CAPZB: variants seen among roughly 807,000 people sequenced by gnomAD.
The protein encoded by CAPZB is capping actin protein of muscle Z-line subunit beta, also known as F-actin-capping protein subunit beta.
CAPZB carries 2 observed loss-of-function variants against 38.1 expected under a neutral mutation model. The ratio of observed to expected loss-of-function variants is 0.05; its 90% CI spans 0.02 to 0.17. The LOEUF (loss-of-function observed/expected upper bound fraction) is 0.17, where lower values mean the gene tolerates loss of function less well. Ranked by LOEUF, CAPZB falls within the 10% of genes least tolerant of loss-of-function variation. The pLI is 1.00. For synonymous variants in CAPZB, 107 were observed against 127.4 expected (o/e 0.84, Z 1.08); for missense variants, 161 against 334.2 (o/e 0.48, Z 4.04).
intron 1 of CAPZB, among the ~76,000 whole-genome samples, chr1:19,464,178 C>T (rs2094561486): frequency 6.7e-6 from 1 of 149,032 alleles, no homozygotes; most frequent in Admixed American, 6.8e-5. Context: ...CAGAGCAAGA[C>T]TCTGTCGAAA....
At chr1:19,399,749 G>C (rs1329658205) in intron 2 of CAPZB, among the ~76,000 whole-genome samples, 1 of 152,076 alleles carries the variant, frequency 6.6e-6, no homozygotes, top group African/African-American at 2.4e-5. Flanking sequence ...TTAAAAAAAG[G>C]GCTGTACCAA....
chr1:19,376,471 C>T (rs1264612243), intron 4 of CAPZB, among the ~76,000 whole-genome samples: 5 of 152,228 alleles, frequency 3.3e-5, no homozygotes, highest in Non-Finnish European at 7.3e-5. Flanking sequence ...AGGGTGTGCA[C>T]TTGCTGGTTG....
intron 2 of CAPZB, among the ~76,000 whole-genome samples, chr1:19,412,531 C>T (rs959495230): frequency 6.6e-6 from 1 of 152,122 alleles, no homozygotes; most frequent in Non-Finnish European, 1.5e-5. Flanking sequence ...GATCCTTCCA[C>T]CTCAGCCTCC....
intron 4 of CAPZB, among the ~76,000 whole-genome samples, chr1:19,375,841 T>C (rs1024793244): frequency 2.6e-5 from 4 of 152,204 alleles, no homozygotes; most frequent in Non-Finnish European, 5.9e-5. Context: ...AGCTGCCAAA[T>C]GGAATAACTC....
At chr1:19,358,186 G>A (rs2094032234) in intron 4 of CAPZB, among the ~76,000 whole-genome samples, 1 of 152,206 alleles carries the variant, frequency 6.6e-6, no homozygotes, top group Non-Finnish European at 1.5e-5. Flanking sequence ...CTCCCAGGCT[G>A]GAGTGCAGTG....
intron 1 of CAPZB, among the ~76,000 whole-genome samples, chr1:19,431,216 T>C (rs1019176461): frequency 3.3e-5 from 5 of 152,216 alleles, no homozygotes; most frequent in African/African-American, 9.7e-5. Flanking sequence ...AATCCCAAAC[T>C]TTTTGAGCGA....
intron 1 of CAPZB, among the ~76,000 whole-genome samples, chr1:19,428,159 T>C (rs1204092475): frequency 3.3e-5 from 5 of 152,204 alleles, no homozygotes; most frequent in African/African-American, 4.8e-5. Flanking sequence ...TCCCAGCACT[T>C]TGGGAGGTGG....
rs2094648427 is a variant in CAPZB at position 19,485,484 on chromosome 1, C to T, written c.-46G>A. On this transcript the variant is annotated 5_prime_UTR_variant, in exon 1 of 9. Transcript: ENST00000264202. ...TCCCGGTCCCGGCGTCAGTGGCTCTCCCCCCCGCAGCAGGGCCCGGCGCTT... is the reference window on the plus strand; with the variant it reads ...TCCCGGTCCCGGCGTCAGTGGCTCTTCCCCCCGCAGCAGGGCCCGGCGCTT... The T allele has an allele frequency of 1.6e-6, 2 of 1,222,272 alleles. No individual in the cohort carries two copies. Among genetic ancestry groups the T allele is most frequent in the Non-Finnish European group, 1.0e-6 (1 of 980,704 alleles). The allele number at this position is 1,222,272 out of a possible 1,614,324, so 75.7% of individuals were successfully genotyped here. A position where few individuals can be genotyped will look rare whatever the true frequency, so the allele number is the denominator to read the frequency against.
intron 4 of CAPZB, among the ~76,000 whole-genome samples, chr1:19,364,019 C>T (rs1223439646): frequency 6.6e-6 from 1 of 152,168 alleles, no homozygotes; most frequent in Non-Finnish European, 1.5e-5. Flanking sequence ...GGCTGGGCCA[C>T]ACTCACAGGA....
At chr1:19,348,681 G>GTCCC (rs993425740) in intron 6 of CAPZB, among the ~76,000 whole-genome samples, 3 of 149,338 alleles carry the variant, frequency 2.0e-5, no homozygotes, top group Non-Finnish European at 4.4e-5. Flanking sequence ...TGATAGAGCT[G>GTCCC]TCCCTGACAG....
rs1457096979 is a variant in CAPZB, at chr1:19,385,557, C to T, written c.163G>A (p.Val55Met). The change falls in exon 3 of 9, where the codon GTG (valine) becomes ATG (methionine). Residue 55 changes from valine to methionine, a missense_variant. By Grantham distance (21) the Val-to-Met change is conservative. Coordinates refer to ENST00000264202, the MANE Select transcript of CAPZB (RefSeq NM_004930.5). ...QPLKIARDKV[V>M]GKDYLLCDYN... ...TCACACAAAAGGTAATCCTTTCCCA[C>T]CACCTTGTCTCTGGCAATTTTCAGT... 1 of 1,613,994 alleles carries T rather than the reference C, an allele frequency of 6.2e-7. No homozygotes were observed. The highest frequency in any genetic ancestry group is 1.3e-5 in the African/African-American group (1 of 74,902).
intron 1 of CAPZB, among the ~76,000 whole-genome samples, chr1:19,463,885 A>G (rs879941565): frequency 3.3e-5 from 5 of 152,134 alleles, no homozygotes; most frequent in Admixed American, 3.3e-4. Context: ...TGCCTAAAGA[A>G]ATGAGGACAG....
At chr1:19,444,538 T>C (rs1054869347) in intron 1 of CAPZB, among the ~76,000 whole-genome samples, 8 of 152,188 alleles carry the variant, frequency 5.3e-5, no homozygotes, top group African/African-American at 1.4e-4. Context: ...TAAACATAAC[T>C]GCACACTGGC....
chr1:19,396,451 T>G (rs185818756), intron 2 of CAPZB, among the ~76,000 whole-genome samples: 70 of 152,060 alleles, frequency 4.6e-4, no homozygotes, highest in African/African-American at 1.6e-3. Context: ...CAGCCCTGAG[T>G]TGGATGAAGG....
intron 1 of CAPZB, among the ~76,000 whole-genome samples, chr1:19,438,071 C>T (rs1489470854): frequency 6.6e-6 from 1 of 152,170 alleles, no homozygotes; most frequent in African/African-American, 2.4e-5. Context: ...TTGTTCTTAC[C>T]TCCCACTACC....
At chr1:19,379,139 C>A (rs986164376) in intron 3 of CAPZB, among the ~76,000 whole-genome samples, 12 of 148,942 alleles carry the variant, frequency 8.1e-5, no homozygotes, top group Non-Finnish European at 3.0e-5. Flanking sequence ...AGCTCTGTCG[C>A]CCAGGCTGGA....
chr1:19,364,518 T>C (rs2094072222), intron 4 of CAPZB, among the ~76,000 whole-genome samples: 1 of 152,266 alleles, frequency 6.6e-6, no homozygotes, highest in African/African-American at 2.4e-5. Flanking sequence ...GCCCTTTCCT[T>C]GCATAGTCCT....
At chr1:19,364,708 G>A (rs2094073391) in intron 4 of CAPZB, among the ~76,000 whole-genome samples, 1 of 152,092 alleles carries the variant, frequency 6.6e-6, no homozygotes, top group Admixed American at 6.5e-5. Flanking sequence ...GCATAGCAGG[G>A]ACCAGCACAT....
chr1:19,433,958 T>C (rs570472024), intron 1 of CAPZB, among the ~76,000 whole-genome samples: 1 of 152,356 alleles, frequency 6.6e-6, no homozygotes, highest in African/African-American at 2.4e-5. Context: ...ACTGGCCCTC[T>C]GGCTCCCCTA....
Sources: allele counts gnomAD v4.1 joint callset (sites outside exome capture counted in the v4.1 genomes callset), GRCh38; gene constraint gnomAD v4.1.1; transcripts MANE v1.5; gene names NCBI Gene and HGNC (gene_info 2026-07-23, HGNC 2026-07-21).